Variants in DFFA observed in about 807,000 individuals in gnomAD.
DFFA encodes the protein DFF45.
A neutral mutation model predicts 28.0 loss-of-function variants in DFFA; 14 were observed. That is an observed-to-expected ratio of 0.50 (90% confidence interval 0.33 to 0.78). The LOEUF is 0.78. Among genes scored for constraint, DFFA ranks in the 30% least tolerant of loss-of-function variants. The pLI, the probability that DFFA is intolerant of heterozygous loss-of-function variation, is 0.02. For missense variants in DFFA, 395 were observed against 407.1 expected, an observed-to-expected ratio of 0.97 and a Z score of 0.26; for synonymous variants, 158 against 170.3, an observed-to-expected ratio of 0.93 and a Z score of 0.56.
rs537276443 is a variant in DFFA at position 10,463,352 on chromosome 1, A to G, written c.631+79T>C. ...CCGCGGCTTCAGTGGCCCTGGCTAC[A>G]TCACAAATAGTGTCCTCCCAAGGGA... On this transcript the variant is annotated intron_variant, in intron 4 of 5. Transcript: ENST00000377038. The G allele has an allele frequency of 8.4e-6, 13 of 1,553,080 alleles. No individual in the cohort carries two copies. The African/African-American group carries it at 1.4e-4, about 16-fold the overall frequency.
chr1:10,466,814 G>T (rs1015863572), intron 3 of DFFA, among the ~76,000 whole-genome samples: 5 of 151,820 alleles, frequency 3.3e-5, no homozygotes, highest in Non-Finnish European at 5.9e-5. Context: ...TTAGCCAGGC[G>T]TGTTGGTGTG....
At position 10,461,479 on chromosome 1, in the gene DFFA, T is replaced by G. The variant is rs1223760722; in HGVS notation, c.*11A>C. On this transcript the variant is annotated 3_prime_UTR_variant, in exon 6 of 6. Transcript: ENST00000377038. The stretch of plus-strand genomic sequence containing the variant: ...CGCCACAGAGCTTCCTTGGCACACT[T>G]CCCGCTGCTGCTATGTGGGATCCTG... 1 of 1,611,062 alleles carries G rather than the reference T, an allele frequency of 6.2e-7. No homozygotes were observed. Among genetic ancestry groups the G allele is most frequent in the Non-Finnish European group, 8.5e-7 (1 of 1,178,562 alleles).
intron 1 of DFFA, among the ~76,000 whole-genome samples, chr1:10,471,711 C>G (rs1316859710): frequency 6.6e-6 from 1 of 152,104 alleles, no homozygotes; most frequent in Non-Finnish European, 1.5e-5. Flanking sequence ...TTTGAGAGAA[C>G]CAACAACCCT....
chr1:10,470,103 C>T (rs1026297611), intron 1 of DFFA, among the ~76,000 whole-genome samples: 1 of 152,070 alleles, frequency 6.6e-6, no homozygotes, highest in Non-Finnish European at 1.5e-5. Context: ...CATGAGCAAC[C>T]GCGCCTGGCC....
chr1:10,466,004 G>A (rs1013994217), intron 3 of DFFA, among the ~76,000 whole-genome samples: 4 of 150,846 alleles, frequency 2.7e-5, no homozygotes, highest in Admixed American at 6.6e-5. Context: ...AAAAAATAGC[G>A]CAGTGTGGTG....
chr1:10,470,977 GGAGT>G (rs939419509), intron 1 of DFFA, among the ~76,000 whole-genome samples: 1 of 149,632 alleles, frequency 6.7e-6, no homozygotes, highest in African/African-American at 2.5e-5. Context: ...GCAGGAGAAT[GGAGT>G]GAACCCGGGA....
rs145882179 is a variant in DFFA, at chr1:10,462,682, C to A, written c.783+376G>T. The stretch of plus-strand genomic sequence containing the variant: ...GTCTTAGCCAGCAGGCGACGATCCC[C>A]TCAAGTTTGCCTTTTCCTGTGACAT... On this transcript the variant is annotated intron_variant, in intron 5 of 5. Transcript: ENST00000377038. 598 of 1,042,794 alleles carry A rather than the reference C, an allele frequency of 5.7e-4. No homozygotes were observed. The African/African-American group carries it at 9.0e-3, about 16-fold the overall frequency. The allele number at this position is 1,042,794 out of a possible 1,614,324, so 64.6% of individuals were successfully genotyped here.
chr1:10,472,282 C>T lies in DFFA; in HGVS notation c.136+41G>A. 3 of 1,535,482 alleles carry T rather than the reference C, an allele frequency of 2.0e-6. No individual in the cohort carries two copies. The highest frequency in any genetic ancestry group is 2.6e-6 in the Non-Finnish European group (3 of 1,135,784). On this transcript the variant is annotated intron_variant, in intron 1 of 5. Coordinates refer to ENST00000377038, the MANE Select transcript of DFFA (RefSeq NM_004401.3). The surrounding 1 kb of genome is among the most constrained non-coding windows in gnomAD (Gnocchi z 5.0). ...GCCCCCGCCGGACGTCCTCACCCGG[C>T]CCTGGCTCCCCCACACCCTCGCCCG...
At chr1:10,468,383 G>T (rs538262381) in intron 2 of DFFA, among the ~76,000 whole-genome samples, 1 of 150,692 alleles carries the variant, frequency 6.6e-6, no homozygotes, top group Non-Finnish European at 1.5e-5. Context: ...GGTTATCACA[G>T]TTGTGGGGGG....
intron 3 of DFFA, among the ~76,000 whole-genome samples, chr1:10,465,629 G>T (rs61776040): frequency 7.4e-4 from 112 of 152,108 alleles, no homozygotes; most frequent in African/African-American, 2.6e-3. Context: ...TTGACATCGT[G>T]ATCTGCCCGC....
At position 10,472,214 on chromosome 1, in the gene DFFA, C is replaced by T; in HGVS notation, c.136+109G>A. 1 of 1,359,710 alleles carries T rather than the reference C, an allele frequency of 7.4e-7. No homozygotes were observed. The highest frequency in any genetic ancestry group is 2.5e-5 in the East Asian group (1 of 39,458). 84.2% of individuals were successfully genotyped at this position (1,359,710 alleles called of 1,614,324 possible). On this transcript the variant is annotated intron_variant, in intron 1 of 5. Transcript: ENST00000377038. The surrounding 1 kb of genome is among the most constrained non-coding windows in gnomAD (Gnocchi z 5.0). ...ACCGTTTCTGTCCCAAGCCTCCACC[C>T]GAGATACAAGAATCCCCAAGTCGCC...
intron 2 of DFFA, 39 bp downstream of exon 2, chr1:10,469,138 A>G: frequency 6.2e-7 from 1 of 1,603,586 alleles, no homozygotes; most frequent in Non-Finnish European, 8.5e-7. Flanking sequence ...TGGATGCTGT[A>G]CTGCATAGGC....
chr1:10,464,336 C>T (rs1177948905), intron 3 of DFFA, among the ~76,000 whole-genome samples: 3 of 152,040 alleles, frequency 2.0e-5, no homozygotes, highest in Non-Finnish European at 4.4e-5. Context: ...TTGTGATCCA[C>T]CCGCCTCGGC....
chr1:10,459,444 A>G lies in DFFA; in HGVS notation c.*2046T>C, dbSNP rs1035923533. Reference sequence around the variant, plus strand: ...TGCTGATAAAGCAATTAGAAAACTGAAGAGTTTCACGGTGGTGAGATAGAA... The same window carrying G: ...TGCTGATAAAGCAATTAGAAAACTGGAGAGTTTCACGGTGGTGAGATAGAA... On this transcript the variant is annotated 3_prime_UTR_variant, in exon 6 of 6. Coordinates refer to ENST00000377038, the MANE Select transcript of DFFA (RefSeq NM_004401.3). 1 of 152,204 alleles carries G rather than the reference A, an allele frequency of 6.6e-6. No homozygotes were observed. The highest frequency in any genetic ancestry group is 1.5e-5 in the Non-Finnish European group (1 of 68,050). The allele number at this position is 152,204 out of a possible 1,614,324, so 9.4% of individuals were successfully genotyped here.
Position 10,463,202 on chromosome 1 carries a change from T to C in DFFA, c.639A>G (p.Lys213=), listed in dbSNP as rs1193731958. 1 of 1,613,888 alleles carries C rather than the reference T, an allele frequency of 6.2e-7. No individual in the cohort carries two copies. Among genetic ancestry groups the C allele is most frequent in the East Asian group, 2.2e-5 (1 of 44,884 alleles). The part of the protein sequence containing the change: ...GSLLSKQEES[K]AAFGEEVDAV... ...CATCCACCTCCTCACCAAAGGCAGC[T>C]TTGGACTCTGCAAAGGAGACACGAG... The change falls in exon 5 of 6, where the codon AAA becomes AAG. Residue 213 remains lysine (K), a synonymous_variant. Transcript: ENST00000377038.
At chr1:10,462,153 C>T (rs1048416753) in intron 5 of DFFA, among the ~76,000 whole-genome samples, 18 of 152,116 alleles carry the variant, frequency 1.2e-4, no homozygotes, top group Non-Finnish European at 2.2e-4. Context: ...CCACCGCGCC[C>T]AGCCTGCCAT....
intron 3 of DFFA, 46 bp downstream of exon 3, chr1:10,467,144 G>T (rs763280107): frequency 1.2e-6 from 2 of 1,608,506 alleles, no homozygotes; most frequent in East Asian, 2.2e-5. Flanking sequence ...GGGGCGGGGG[G>T]CAGAGGCTGG....
Position 10,457,735 on chromosome 1 carries a change from C to T in DFFA, c.*3755G>A, listed in dbSNP as rs1640879352. ...TCATTTAACCCTTTCAAGCTTGGAG[C>T]CTTAGACTAACTGAGAGGTTAGACT... On this transcript the variant is annotated 3_prime_UTR_variant, in exon 6 of 6. Coordinates refer to ENST00000377038, the MANE Select transcript of DFFA (RefSeq NM_004401.3). 6.6e-6 allele frequency: 1 copy of T among 152,084 alleles called. No individual in the cohort carries two copies. 9.4% of individuals were successfully genotyped at this position (152,084 alleles called of 1,614,324 possible).
Position 10,458,198 on chromosome 1 carries a change from G to T in DFFA, c.*3292C>A, listed in dbSNP as rs1408945252. 1 of 152,226 alleles carries T rather than the reference G, an allele frequency of 6.6e-6. No homozygotes were observed. The highest frequency in any genetic ancestry group is 2.4e-5 in the African/African-American group (1 of 41,468). 9.4% of individuals were successfully genotyped at this position (152,226 alleles called of 1,614,324 possible). ...TGTCGGATGCACAGCGATTCCGTGT[G>T]TAAGTGCAAGCATCTGACAGTGAAA... On this transcript the variant is annotated 3_prime_UTR_variant, in exon 6 of 6. Coordinates refer to ENST00000377038, the MANE Select transcript of DFFA (RefSeq NM_004401.3).
Sources: gnomAD v4.1 joint callset for allele counts (sites outside exome capture counted in the v4.1 genomes callset) on GRCh38, gnomAD v4.1.1 for gene constraint, Gnocchi (gnomAD v3.1) non-coding constraint, MANE v1.5 for transcripts, NCBI Gene and HGNC (gene_info 2026-07-23, HGNC 2026-07-21) for gene names.